Variants in GRXCR1 observed in about 807,000 individuals in gnomAD.
GRXCR1 encodes glutaredoxin domain-containing cysteine-rich protein 1.
A neutral mutation model predicts 27.3 loss-of-function variants in GRXCR1; 27 were observed. The ratio of observed to expected loss-of-function variants is 0.99; its 90% CI spans 0.73 to 1.37. GRXCR1 has a LOEUF of 1.37. GRXCR1 is among the 40% of genes most tolerant of loss of function. The pLI, the probability that GRXCR1 is intolerant of heterozygous loss-of-function variation, is 0.00. For missense variants in GRXCR1, 379 were observed against 354.4 expected, an observed-to-expected ratio of 1.07 and a Z score of -0.56; for synonymous variants, 122 against 131.1, an observed-to-expected ratio of 0.93 and a Z score of 0.47.
At chr4:42,955,013 GGA>G (rs1283943329) in intron 1 of GRXCR1, among the ~76,000 whole-genome samples, 1 of 152,024 alleles carries the variant, frequency 6.6e-6, no homozygotes, top group Non-Finnish European at 1.5e-5. Context: ...TCATGGAGAG[GGA>G]GAGAGAGCGA....
At chr4:42,971,995 C>G (rs1748399183) in intron 2 of GRXCR1, among the ~76,000 whole-genome samples, 2 of 152,106 alleles carry the variant, frequency 1.3e-5, no homozygotes, top group South Asian at 4.1e-4. Context: ...GACTCCAGCT[C>G]AAGCGATCTC....
intron 1 of GRXCR1, among the ~76,000 whole-genome samples, chr4:42,901,003 G>T (rs931094737): frequency 6.6e-6 from 1 of 152,122 alleles, no homozygotes; most frequent in Non-Finnish European, 1.5e-5. Flanking sequence ...TGCTTGTGGC[G>T]CATCTAGCAG....
At chr4:42,995,340 C>A (rs935946797) in intron 2 of GRXCR1, among the ~76,000 whole-genome samples, 8 of 152,124 alleles carry the variant, frequency 5.3e-5, no homozygotes, top group African/African-American at 1.9e-4. Context: ...ATTTGCCATG[C>A]ACCTTTTACT....
At chr4:42,915,719 C>A (rs1332304076) in intron 1 of GRXCR1, among the ~76,000 whole-genome samples, 1 of 151,942 alleles carries the variant, frequency 6.6e-6, no homozygotes, top group Non-Finnish European at 1.5e-5. Flanking sequence ...TGAGTCATAG[C>A]CCAGTCCCAT....
At chr4:42,978,805 G>A (rs535033379) in intron 2 of GRXCR1, among the ~76,000 whole-genome samples, 1 of 151,770 alleles carries the variant, frequency 6.6e-6, no homozygotes, top group East Asian at 1.9e-4. Context: ...TGAATTGTAA[G>A]CCTCATAATC....
intron 1 of GRXCR1, among the ~76,000 whole-genome samples, chr4:42,895,872 T>A (rs983739600): frequency 1.3e-5 from 2 of 152,168 alleles, no homozygotes; most frequent in African/African-American, 4.8e-5. Flanking sequence ...CAGATATGAC[T>A]TTTCCCCCTA....
intron 1 of GRXCR1, among the ~76,000 whole-genome samples, chr4:42,935,767 T>C (rs183637691): frequency 1.3e-5 from 2 of 151,958 alleles, no homozygotes; most frequent in African/African-American, 4.8e-5. Flanking sequence ...AGATTAAAGT[T>C]CTTTTTGAAT....
At chr4:43,029,511 A>T (rs1001872254) in intron 3 of GRXCR1, among the ~76,000 whole-genome samples, 2 of 152,170 alleles carry the variant, frequency 1.3e-5, no homozygotes, top group Admixed American at 6.5e-5. Flanking sequence ...AAACTGATGG[A>T]TGCCACTAGA....
chr4:42,920,260 T>C lies in GRXCR1; in HGVS notation c.384+26610T>C, dbSNP rs560366305. Among the ~76,000 whole-genome samples the C allele has an allele frequency of 2.0e-5, 3 of 152,238 alleles. No individual in the cohort carries two copies. In the East Asian group the frequency reaches 5.8e-4, roughly 29 times the overall value. On this transcript the variant is annotated intron_variant, in intron 1 of 3. Coordinates refer to ENST00000399770, the MANE Select transcript of GRXCR1 (RefSeq NM_001080476.3). ...GCAGTGAGCACAGGCAGTGAGTATA[T>C]ACCATTGAGGAGTTACCTCAACTAA... is the stretch of plus-strand genomic sequence containing the variant.
At position 42,905,673 on chromosome 4, in the gene GRXCR1, C is replaced by T. The variant is rs1037971426; in HGVS notation, c.384+12023C>T. On this transcript the variant is annotated intron_variant, in intron 1 of 3. Coordinates refer to ENST00000399770, the MANE Select transcript of GRXCR1 (RefSeq NM_001080476.3). ...GCTTACAGCCAGACCAGAGTCAAAA[C>T]TGAAAGGGAGTGTGGCAAAAGAAAA... 2.0e-5 allele frequency among the ~76,000 whole-genome samples: 3 copies of T among 152,116 alleles called. No homozygotes were observed. The South Asian group carries it at 6.2e-4, about 32-fold the overall frequency.
At chr4:43,017,778 AAAGATAATTTCCT>A (rs1712972038) in intron 2 of GRXCR1, among the ~76,000 whole-genome samples, 1 of 152,358 alleles carries the variant, frequency 6.6e-6, no homozygotes, top group East Asian at 1.9e-4. Context: ...CCAACCAGGA[AAAGATAATTTCCT>A]AAGAATGTCA....
chr4:43,015,951 G>T (rs995125731), intron 2 of GRXCR1, among the ~76,000 whole-genome samples: 3 of 152,048 alleles, frequency 2.0e-5, no homozygotes, highest in African/African-American at 7.2e-5. Context: ...TCCAGACCCT[G>T]GATATCCGTA....
intron 1 of GRXCR1, among the ~76,000 whole-genome samples, chr4:42,918,711 C>T (rs1316361269): frequency 6.6e-6 from 1 of 152,078 alleles, no homozygotes; most frequent in African/African-American, 2.4e-5. Flanking sequence ...AGTTAACTCA[C>T]ACGAATAAAA....
chr4:43,009,675 C>A (rs536628540), intron 2 of GRXCR1, among the ~76,000 whole-genome samples: 1 of 152,052 alleles, frequency 6.6e-6, no homozygotes, highest in East Asian at 1.9e-4. Flanking sequence ...GTAGAAGGCA[C>A]AAAGCAGCTC....
intron 2 of GRXCR1, among the ~76,000 whole-genome samples, chr4:42,990,409 T>A (rs1212635455): frequency 6.6e-6 from 1 of 151,526 alleles, no homozygotes; most frequent in East Asian, 1.9e-4. Flanking sequence ...GCCGGGATGG[T>A]CTCGATCTCC....
rs115163617 is a variant in GRXCR1, at chr4:43,020,460, A to G, written c.693+41A>G. The G allele has an allele frequency of 1.8e-3, 2,121 of 1,170,244 alleles. 28 individuals are homozygous for G. The highest frequency in any genetic ancestry group is 0.017 in the African/African-American group (1,133 of 66,512). 72.5% of individuals were successfully genotyped at this position (1,170,244 alleles called of 1,614,324 possible). ...GCAACTTAGTTTTAGTAATCAAAAT[A>G]TTAAACACATTCTGATTATAATTGA... is the stretch of plus-strand genomic sequence containing the variant. On this transcript the variant is annotated intron_variant, in intron 3 of 3. Transcript: ENST00000399770.
intron 2 of GRXCR1, among the ~76,000 whole-genome samples, chr4:42,971,503 G>A (rs1279289160): frequency 2.6e-5 from 4 of 152,026 alleles, no homozygotes; most frequent in Non-Finnish European, 5.9e-5. Context: ...ACTAATAATC[G>A]TGGCAGAAGG....
At chr4:42,995,864 A>C (rs1333015273) in intron 2 of GRXCR1, among the ~76,000 whole-genome samples, 3 of 152,212 alleles carry the variant, frequency 2.0e-5, no homozygotes, top group Non-Finnish European at 4.4e-5. Context: ...ACAAGGTCTG[A>C]TTGAGTCCGA....
intron 3 of GRXCR1, among the ~76,000 whole-genome samples, chr4:43,028,345 T>A (rs1011002034): frequency 5.3e-5 from 8 of 152,346 alleles, no homozygotes; most frequent in Non-Finnish European, 8.8e-5. Context: ...TTGTGGTCTA[T>A]CTGAAATTCA....
Sources: allele counts gnomAD v4.1 joint callset (sites outside exome capture counted in the v4.1 genomes callset), GRCh38; gene constraint gnomAD v4.1.1; transcripts MANE v1.5; gene names NCBI Gene and HGNC (gene_info 2026-07-23, HGNC 2026-07-21).